The following PDE4B variants were observed in gnomAD, a reference collection of about 807,000 sequenced individuals.
PDE4B encodes the protein 3',5'-cyclic-AMP phosphodiesterase 4B.
A neutral mutation model predicts 82.2 loss-of-function variants in PDE4B; 20 were observed. The ratio of observed to expected loss-of-function variants is 0.24; its 90% CI spans 0.17 to 0.35. PDE4B has a LOEUF of 0.35. PDE4B is among the 10% of genes least tolerant of loss of function. The pLI, the probability that PDE4B is intolerant of heterozygous loss-of-function variation, is 1.00. For synonymous variants in PDE4B, 320 were observed against 318.9 expected (o/e 1.00, Z -0.04); for missense variants, 655 against 907.2 (o/e 0.72, Z 3.57).
intron 3 of PDE4B, among the ~76,000 whole-genome samples, chr1:65,978,801 A>G (rs1158345868): frequency 6.6e-6 from 1 of 152,208 alleles, no homozygotes; most frequent in East Asian, 1.9e-4. Context: ...AATGTTTTGA[A>G]TACTGAATCA....
chr1:65,941,888 C>T (rs188997179), intron 3 of PDE4B, among the ~76,000 whole-genome samples: 1 of 151,896 alleles, frequency 6.6e-6, no homozygotes, highest in African/African-American at 2.4e-5. Flanking sequence ...CCGACATTGC[C>T]TCAATCCACA....
At chr1:66,172,567 A>G (rs1305033351) in intron 3 of PDE4B, among the ~76,000 whole-genome samples, 2 of 152,104 alleles carry the variant, frequency 1.3e-5, no homozygotes, top group African/African-American at 4.8e-5. Context: ...CATTCTTACC[A>G]ACAATATATA....
intron 3 of PDE4B, among the ~76,000 whole-genome samples, chr1:65,966,961 C>G (rs937596313): frequency 6.6e-6 from 1 of 152,142 alleles, no homozygotes; most frequent in Admixed American, 6.5e-5. Context: ...CAATACCATT[C>G]AGGACATAGG....
intron 8 of PDE4B, among the ~76,000 whole-genome samples, chr1:66,353,407 G>A (rs1039114792): frequency 2.0e-5 from 3 of 152,284 alleles, no homozygotes; most frequent in Admixed American, 6.5e-5. Flanking sequence ...AGGCACAGGC[G>A]ATGGCATGAC....
chr1:66,212,833 T>G (rs557096065), intron 3 of PDE4B, among the ~76,000 whole-genome samples: 1 of 152,230 alleles, frequency 6.6e-6, no homozygotes, highest in East Asian at 1.9e-4. Flanking sequence ...AAGGATAAAG[T>G]GGAATAGCTG....
At chr1:66,371,094 C>CTATATATA (rs557320202) in intron 16 of PDE4B, among the ~76,000 whole-genome samples, 1,197 of 74,718 alleles carry the variant, frequency 0.016, 35 homozygotes, top group East Asian at 0.053. Context: ...ACACATCATA[C>CTATATATA]TATATATATA....
Position 65,814,997 on chromosome 1 carries a change from C to G in PDE4B, c.-71+21749C>G, listed in dbSNP as rs115862873. ...TTGCATTTCCCAGCAAAAGTGTGTTCATTAATTCTTCATTCAACACACATT... is the reference window on the plus strand; with the variant it reads ...TTGCATTTCCCAGCAAAAGTGTGTTGATTAATTCTTCATTCAACACACATT... On this transcript the variant is annotated intron_variant, in intron 1 of 16. Coordinates refer to ENST00000341517, the MANE Select transcript of PDE4B (RefSeq NM_002600.4). Among the ~76,000 whole-genome samples the G allele has an allele frequency of 9.2e-3, 1,389 of 151,386 alleles. 28 individuals are homozygous for G. Among genetic ancestry groups the G allele is most frequent in the African/African-American group, 0.032 (1,334 of 41,422 alleles).
intron 7 of PDE4B, chr1:66,266,751 T>C (rs528752200): frequency 7.9e-6 from 4 of 504,460 alleles, no homozygotes; most frequent in African/African-American, 3.9e-5. Flanking sequence ...TGGAGTTCTG[T>C]TGGAACTGAA....
intron 13 of PDE4B, 85 bp from the exon 14 acceptor site, chr1:66,367,611 C>T: frequency 9.0e-7 from 1 of 1,110,268 alleles, no homozygotes. Flanking sequence ...TTGGAGAGAA[C>T]TAGGTCTGAT....
chr1:66,155,550 A>T (rs1015382513), intron 3 of PDE4B, among the ~76,000 whole-genome samples: 1 of 151,998 alleles, frequency 6.6e-6, no homozygotes, highest in Non-Finnish European at 1.5e-5. Flanking sequence ...TCTAGAGCTG[A>T]TTTTATATTG....
chr1:66,373,771 G>A lies in PDE4B; in HGVS notation c.*1093G>A, dbSNP rs1190768664. On this transcript the variant is annotated 3_prime_UTR_variant, in exon 17 of 17. Coordinates refer to ENST00000341517, the MANE Select transcript of PDE4B (RefSeq NM_002600.4). ...TGCCTAAGAGTTACGACTTTTTCTTGTAATGTTTTGTATTGTGTATTATAT... is the reference window on the plus strand; with the variant it reads ...TGCCTAAGAGTTACGACTTTTTCTTATAATGTTTTGTATTGTGTATTATAT... 4 of 152,468 alleles carry A rather than the reference G, an allele frequency of 2.6e-5. No homozygotes were observed. Among genetic ancestry groups the A allele is most frequent in the Admixed American group, 6.6e-5 (1 of 15,266 alleles). 9.4% of individuals were successfully genotyped at this position (152,468 alleles called of 1,614,324 possible).
intron 3 of PDE4B, among the ~76,000 whole-genome samples, chr1:65,955,480 C>G (rs949800482): frequency 1.3e-5 from 2 of 152,130 alleles, no homozygotes; most frequent in African/African-American, 4.8e-5. Flanking sequence ...CTCACCGCAA[C>G]AGCATAATGC....
chr1:65,830,090 T>C (rs1389728924), intron 1 of PDE4B, among the ~76,000 whole-genome samples: 4 of 152,010 alleles, frequency 2.6e-5, no homozygotes, highest in African/African-American at 9.7e-5. Flanking sequence ...AGAAAATAAA[T>C]AAGTGCTCAG....
intron 4 of PDE4B, among the ~76,000 whole-genome samples, chr1:66,254,575 G>A (rs975764654): frequency 2.0e-5 from 3 of 152,174 alleles, no homozygotes; most frequent in East Asian, 1.9e-4. Context: ...CCTGCTCGAT[G>A]TCTCCACCCG....
At chr1:65,996,771 T>C (rs1182894908) in intron 3 of PDE4B, among the ~76,000 whole-genome samples, 1 of 152,192 alleles carries the variant, frequency 6.6e-6, no homozygotes, top group East Asian at 1.9e-4. Context: ...CAAAAGTGGA[T>C]ACCATACTCT....
intron 3 of PDE4B, among the ~76,000 whole-genome samples, chr1:66,138,802 T>C (rs1646112004): frequency 6.6e-6 from 1 of 152,194 alleles, no homozygotes; most frequent in South Asian, 2.1e-4. Flanking sequence ...CTTTGCCTTC[T>C]TTCAAGTGTT....
chr1:65,861,334 G>A (rs1234304246), intron 1 of PDE4B, among the ~76,000 whole-genome samples: 2 of 152,046 alleles, frequency 1.3e-5, no homozygotes, highest in African/African-American at 4.8e-5. Flanking sequence ...TTTTTGCCAG[G>A]TTTGTTGATG....
intron 1 of PDE4B, among the ~76,000 whole-genome samples, chr1:65,850,110 CTTTT>C (rs57662381): frequency 1.0e-5 from 1 of 97,490 alleles, no homozygotes; most frequent in African/African-American, 4.0e-5. Flanking sequence ...TTGCCCTGCA[CTTTT>C]TTTTTTTTTT....
chr1:65,882,471 G>A (rs1227923671), intron 1 of PDE4B, among the ~76,000 whole-genome samples: 2 of 152,100 alleles, frequency 1.3e-5, no homozygotes, highest in East Asian at 3.9e-4. Context: ...TTTCTCAACA[G>A]CATATTCTCT....
Sources: gnomAD v4.1 joint callset for allele counts (sites outside exome capture counted in the v4.1 genomes callset) on GRCh38, gnomAD v4.1.1 for gene constraint, MANE v1.5 for transcripts, NCBI Gene and HGNC (gene_info 2026-07-23, HGNC 2026-07-21) for gene names.